Variants in BTRC observed in about 807,000 individuals in gnomAD.
The protein encoded by BTRC is F-box/WD repeat-containing protein 1A.
A neutral mutation model predicts 85.5 loss-of-function variants in BTRC; 42 were observed. That is an observed-to-expected ratio of 0.49 (90% CI 0.38 to 0.64). The LOEUF (loss-of-function observed/expected upper bound fraction) is 0.64, where lower values mean the gene tolerates loss of function less well. Among genes scored for constraint, BTRC ranks in the 30% least tolerant of loss-of-function variants. The pLI is 0.00. For missense variants in BTRC, 594 were observed against 743.5 expected (o/e 0.80, Z 2.34); for synonymous variants, 255 against 263.3 (o/e 0.97, Z 0.30).
At chr10:101,528,735 T>C (rs1273602426) in intron 6 of BTRC, among the ~76,000 whole-genome samples, 3 of 152,224 alleles carry the variant, frequency 2.0e-5, no homozygotes, top group Non-Finnish European at 4.4e-5. Flanking sequence ...TTTCTCATTT[T>C]CTTCTTTCAA....
At chr10:101,523,204 A>G (rs28649289) in intron 5 of BTRC, among the ~76,000 whole-genome samples, 1 of 152,214 alleles carries the variant, frequency 6.6e-6, no homozygotes, top group East Asian at 1.9e-4. Context: ...ACTCCATCTC[A>G]GAAAATAAAT....
chr10:101,497,173 A>G (rs1344619331), intron 4 of BTRC, among the ~76,000 whole-genome samples: 2 of 152,128 alleles, frequency 1.3e-5, no homozygotes, highest in Non-Finnish European at 2.9e-5. Context: ...TGTAGTTCCC[A>G]TTATACCGGA....
intron 2 of BTRC, among the ~76,000 whole-genome samples, chr10:101,441,325 C>T (rs72839343): frequency 2.6e-5 from 4 of 152,294 alleles, no homozygotes; most frequent in Non-Finnish European, 5.9e-5. Context: ...TTTACAACCA[C>T]ACCTTCACAA....
chr10:101,385,829 G>T (rs1199336058), intron 1 of BTRC, among the ~76,000 whole-genome samples: 2 of 145,598 alleles, frequency 1.4e-5, no homozygotes, highest in African/African-American at 2.5e-5. Flanking sequence ...GATCTAGCTT[G>T]TTTTTTTTTT....
At chr10:101,361,919 G>A (rs1227346336) in intron 1 of BTRC, among the ~76,000 whole-genome samples, 1 of 152,174 alleles carries the variant, frequency 6.6e-6, no homozygotes, top group African/African-American at 2.4e-5. Context: ...CTAAGGGAGA[G>A]AGAATTTCTG....
rs1311933499 is a variant in BTRC, at chr10:101,554,996, C to A, written c.*1873C>A. ...AAGGTTATATTCAGAAAATATTTCCCAGTATAATGATACATCGTAGCCTAA... is the reference window on the plus strand; with the variant it reads ...AAGGTTATATTCAGAAAATATTTCCAAGTATAATGATACATCGTAGCCTAA... On this transcript the variant is annotated 3_prime_UTR_variant, in exon 15 of 15. Coordinates refer to ENST00000370187, the MANE Select transcript of BTRC (RefSeq NM_033637.4). 1 of 152,178 alleles carries A rather than the reference C, an allele frequency of 6.6e-6. No individual in the cohort carries two copies. Among genetic ancestry groups the A allele is most frequent in the Non-Finnish European group, 1.5e-5 (1 of 68,040 alleles). 9.4% of individuals were successfully genotyped at this position (152,178 alleles called of 1,614,324 possible). A position where few individuals can be genotyped will look rare whatever the true frequency, so the allele number is the denominator to read the frequency against.
At chr10:101,481,990 A>T (rs918081598) in intron 4 of BTRC, among the ~76,000 whole-genome samples, 3 of 152,174 alleles carry the variant, frequency 2.0e-5, no homozygotes, top group Non-Finnish European at 4.4e-5. Flanking sequence ...GTCTCCAGTG[A>T]GGTACCCATA....
chr10:101,430,587 T>A (rs1024632318), intron 2 of BTRC, 135 bp downstream of exon 2: 24 of 648,268 alleles, frequency 3.7e-5, no homozygotes, highest in Non-Finnish European at 6.0e-5. Context: ...CTCACATCAC[T>A]CAGTACTCCT....
chr10:101,531,273 G>T lies in BTRC; in HGVS notation c.780G>T (p.Gly260=), dbSNP rs1465738781. The change falls in exon 7 of 15, where the codon GGG becomes GGT. Residue 260 remains glycine, a synonymous_variant. Coordinates refer to ENST00000370187, the MANE Select transcript of BTRC (RefSeq NM_033637.4). ...QYLFKNKPPD[G]NAPPNSFYRA... is the part of the protein sequence containing the mutation. ...TATTCAAAAACAAACCTCCTGACGG[G>T]AATGCTCCTCCCAACTCTTTTTATA... 1 of 1,610,662 alleles carries T rather than the reference G, an allele frequency of 6.2e-7. No individual in the cohort carries two copies. The highest frequency in any genetic ancestry group is 1.7e-5 in the Admixed American group (1 of 59,996).
intron 2 of BTRC, among the ~76,000 whole-genome samples, chr10:101,442,255 A>C (rs1484675685): frequency 1.2e-5 from 1 of 83,190 alleles, no homozygotes; most frequent in African/African-American, 3.4e-5. Flanking sequence ...GCACTAATTG[A>C]ATTAGAATCT....
At chr10:101,504,329 T>C (rs984090152) in intron 4 of BTRC, among the ~76,000 whole-genome samples, 3 of 152,236 alleles carry the variant, frequency 2.0e-5, no homozygotes, top group Admixed American at 6.5e-5. Context: ...AACAAGCATA[T>C]TGCTCCTCTT....
At chr10:101,406,500 T>C (rs1361993149) in intron 1 of BTRC, among the ~76,000 whole-genome samples, 7 of 149,388 alleles carry the variant, frequency 4.7e-5, no homozygotes, top group Non-Finnish European at 8.9e-5. Context: ...TAAACTTTCA[T>C]GTTAACATAG....
At chr10:101,357,430 G>A (rs1208302806) in intron 1 of BTRC, among the ~76,000 whole-genome samples, 1 of 107,496 alleles carries the variant, frequency 9.3e-6, no homozygotes. Flanking sequence ...GACAGAGCGA[G>A]ACTCTGTCTC....
chr10:101,392,488 T>TTTG (rs906384636), intron 1 of BTRC, among the ~76,000 whole-genome samples: 1 of 152,080 alleles, frequency 6.6e-6, no homozygotes, highest in South Asian at 2.1e-4. Context: ...TTGAAAGTTT[T>TTTG]TTGTTGTTGT....
chr10:101,374,779 TAATA>T (rs1381855950), intron 1 of BTRC, among the ~76,000 whole-genome samples: 7 of 94,676 alleles, frequency 7.4e-5, no homozygotes, highest in African/African-American at 8.7e-5. Flanking sequence ...ACTTAAAGTA[TAATA>T]AATAAAAAAA....
chr10:101,434,991 A>G (rs1279859324), intron 2 of BTRC, among the ~76,000 whole-genome samples: 2 of 151,914 alleles, frequency 1.3e-5, no homozygotes, highest in African/African-American at 4.8e-5. Flanking sequence ...TACTGGTTTT[A>G]CCCTATCAAT....
intron 1 of BTRC, among the ~76,000 whole-genome samples, chr10:101,383,399 A>T (rs1211453539): frequency 1.1e-4 from 15 of 141,494 alleles, no homozygotes; most frequent in South Asian, 9.8e-4. Flanking sequence ...TTCCTTTTTA[A>T]AAAAAAAAAA....
chr10:101,506,866 A>G (rs1305729469), intron 4 of BTRC, among the ~76,000 whole-genome samples: 1 of 152,148 alleles, frequency 6.6e-6, no homozygotes. Context: ...TTGAAAAGAG[A>G]TCTAGGAATT....
rs570997693 is a variant in BTRC, at chr10:101,556,105, A to G, written c.*2982A>G. 5 of 152,332 alleles carry G rather than the reference A, an allele frequency of 3.3e-5. No individual in the cohort carries two copies. Among genetic ancestry groups the G allele is most frequent in the African/African-American group, 1.2e-4 (5 of 41,572 alleles). The allele number at this position is 152,332 out of a possible 1,614,324, so 9.4% of individuals were successfully genotyped here. On this transcript the variant is annotated 3_prime_UTR_variant, in exon 15 of 15. Transcript: ENST00000370187. ...AGACAGGGACTCTTTTTGGATCTCT[A>G]TTGACAAGTAATAAAAGTCTGGCCC...
Sources: allele counts gnomAD v4.1 joint callset (sites outside exome capture counted in the v4.1 genomes callset), GRCh38; gene constraint gnomAD v4.1.1; transcripts MANE v1.5; gene names NCBI Gene and HGNC (gene_info 2026-07-23, HGNC 2026-07-21).